NCKAP1: variants seen among roughly 807,000 people sequenced by gnomAD.
NCKAP1 encodes nck-associated protein 1.
A neutral mutation model predicts 151.2 loss-of-function variants in NCKAP1; 21 were observed. The ratio of observed to expected loss-of-function variants is 0.14; its 90% CI spans 0.10 to 0.20. NCKAP1 has a LOEUF of 0.20. NCKAP1 is among the 10% of genes least tolerant of loss of function. The pLI is 1.00. For missense variants in NCKAP1, 933 were observed against 1,352.1 expected (o/e 0.69, Z 4.86); for synonymous variants, 484 against 451.8 (o/e 1.07, Z -0.90).
At chr2:183,018,154 G>C (rs1438299729) in intron 2 of NCKAP1, among the ~76,000 whole-genome samples, 1 of 152,114 alleles carries the variant, frequency 6.6e-6, no homozygotes, top group African/African-American at 2.4e-5. Flanking sequence ...AGCTGAGGCA[G>C]GAGAATCGCT....
intron 26 of NCKAP1, among the ~76,000 whole-genome samples, chr2:182,933,732 A>T (rs1444411747): frequency 6.6e-6 from 1 of 151,990 alleles, no homozygotes; most frequent in Non-Finnish European, 1.5e-5. Flanking sequence ...CACCAATTTC[A>T]GAAGAGTCTT....
intron 15 of NCKAP1, among the ~76,000 whole-genome samples, chr2:182,975,690 G>A (rs1025488053): frequency 1.3e-5 from 2 of 152,028 alleles, no homozygotes; most frequent in East Asian, 1.9e-4. Context: ...GAAGATCACC[G>A]AGGCCAGGAG....
chr2:182,967,454 C>A, intron 15 of NCKAP1, 93 bp from the exon 16 acceptor site: 1 of 1,126,072 alleles, frequency 8.9e-7, no homozygotes, highest in South Asian at 1.4e-5. Context: ...CTGAAAGATA[C>A]TTAAACTATC....
Position 183,023,920 on chromosome 2 carries a change from TAAA to T in NCKAP1, c.109-7_109-5del. 3 of 1,576,680 alleles carry T rather than the reference TAAA, an allele frequency of 1.9e-6. No individual in the cohort carries two copies. The highest frequency in any genetic ancestry group is 2.6e-6 in the Non-Finnish European group (3 of 1,157,498). ...TTGCCTTGGGGTCTCCACATGCCTA[TAAA>T]ACAACAGTAATAAAAAAAAGTGAAA... On this transcript the variant is annotated splice_polypyrimidine_tract_variant and splice_region_variant and intron_variant, in intron 1 of 30. Coordinates refer to ENST00000361354, the MANE Select transcript of NCKAP1 (RefSeq NM_013436.5).
intron 2 of NCKAP1, among the ~76,000 whole-genome samples, chr2:183,014,205 T>C (rs898645787): frequency 9.2e-5 from 14 of 152,240 alleles, no homozygotes; most frequent in African/African-American, 3.4e-4. Flanking sequence ...AGGCGCTCAA[T>C]AAAGGATTTA....
chr2:183,019,849 C>A (rs900643987), intron 2 of NCKAP1, among the ~76,000 whole-genome samples: 1 of 152,098 alleles, frequency 6.6e-6, no homozygotes, highest in African/African-American at 2.4e-5. Context: ...TTTCCCTAAA[C>A]CCAGAATCGG....
At chr2:182,928,587 A>G (rs1157450288) in intron 28 of NCKAP1, among the ~76,000 whole-genome samples, 196 bp downstream of exon 28, 1 of 152,010 alleles carries the variant, frequency 6.6e-6, no homozygotes, top group Non-Finnish European at 1.5e-5. Flanking sequence ...TCCCTCACCG[A>G]CCTCTACACA....
intron 17 of NCKAP1, among the ~76,000 whole-genome samples, chr2:182,962,639 G>A (rs1056783484): frequency 6.6e-6 from 1 of 152,042 alleles, no homozygotes; most frequent in Non-Finnish European, 1.5e-5. Flanking sequence ...CAGATTTAGA[G>A]TACTGTTTCC....
At chr2:182,941,285 C>T (rs978889856) in intron 24 of NCKAP1, among the ~76,000 whole-genome samples, 2 of 152,068 alleles carry the variant, frequency 1.3e-5, no homozygotes, top group African/African-American at 4.8e-5. Context: ...TGCTTGAACA[C>T]ACTTTAATAC....
In NCKAP1 at chr2:182,971,415, AAG is replaced by A. The variant is rs1334824459; in HGVS notation, c.1483-4056_1483-4055del. Among the ~76,000 whole-genome samples the A allele has an allele frequency of 2.1e-4, 32 of 150,884 alleles. No individual in the cohort carries two copies. The South Asian group carries it at 6.1e-3, about 29-fold the overall frequency. ...TCTCAAAAAAAAAAAAAAAAAAAAAAAGATATCTCATGTTCATGAATTGGAAG... is the reference window on the plus strand; with the variant it reads ...TCTCAAAAAAAAAAAAAAAAAAAAAAATATCTCATGTTCATGAATTGGAAG... On this transcript the variant is annotated intron_variant, in intron 15 of 30. Coordinates refer to ENST00000361354, the MANE Select transcript of NCKAP1 (RefSeq NM_013436.5).
intron 20 of NCKAP1, among the ~76,000 whole-genome samples, chr2:182,955,829 A>T (rs533864171): frequency 1.3e-5 from 2 of 152,066 alleles, no homozygotes; most frequent in South Asian, 4.2e-4. Flanking sequence ...CTAAACTTTG[A>T]CTACAACCTA....
At position 183,038,403 on chromosome 2, in the gene NCKAP1, T is replaced by C. The variant is rs1356452084; in HGVS notation, c.-304A>G. On this transcript the variant is annotated 5_prime_UTR_variant, in exon 1 of 31. Coordinates refer to ENST00000361354, the MANE Select transcript of NCKAP1 (RefSeq NM_013436.5). ...CCCCCAACGAGCCGCCTTCCCCGGC[T>C]GCTCCACTAGGTGTGGCGGCGGCGG... The C allele has an allele frequency of 4.4e-6, 1 of 227,824 alleles. No homozygotes were observed. The highest frequency in any genetic ancestry group is 8.3e-6 in the Non-Finnish European group (1 of 121,176). The allele number at this position is 227,824 out of a possible 1,614,324, so 14.1% of individuals were successfully genotyped here. A position where few individuals can be genotyped will look rare whatever the true frequency, so the allele number is the denominator to read the frequency against.
intron 30 of NCKAP1, 43 bp downstream of exon 30, chr2:182,926,773 C>T: frequency 7.5e-7 from 1 of 1,337,142 alleles, no homozygotes; most frequent in Non-Finnish European, 1.0e-6. Flanking sequence ...TCAGGAACGA[C>T]TGGAACTTTT....
At chr2:182,983,517 T>C (rs956797904) in intron 10 of NCKAP1, 135 bp from the exon 11 acceptor site, 4 of 575,454 alleles carry the variant, frequency 7.0e-6, no homozygotes, top group Admixed American at 3.1e-5. Context: ...AATCATCTTC[T>C]ATGTGTCTAT....
chr2:183,028,345 A>G lies in NCKAP1; in HGVS notation c.109-4429T>C, dbSNP rs567640914. 2.0e-4 allele frequency among the ~76,000 whole-genome samples: 31 copies of G among 152,258 alleles called. 1 individual carries two copies. Among genetic ancestry groups the G allele is most frequent in the African/African-American group, 7.2e-4 (30 of 41,588 alleles). On this transcript the variant is annotated intron_variant, in intron 1 of 30. Transcript: ENST00000361354. ...ATATTTTCATAAAACATAAAATACT[A>G]TAATTTCAAATTTCAGAAGATCTAA...
intron 23 of NCKAP1, among the ~76,000 whole-genome samples, chr2:182,947,970 C>T (rs1369752333): frequency 6.6e-6 from 1 of 152,028 alleles, no homozygotes. Context: ...CTTAATAATA[C>T]ACAAGTAGTT....
chr2:182,956,401 T>A, intron 20 of NCKAP1, 61 bp downstream of exon 20: 8 of 1,544,900 alleles, frequency 5.2e-6, no homozygotes, highest in South Asian at 1.2e-5. Flanking sequence ...AAACACTGTA[T>A]AATTAAATAA....
At chr2:182,968,068 A>G (rs1697611529) in intron 15 of NCKAP1, among the ~76,000 whole-genome samples, 1 of 152,204 alleles carries the variant, frequency 6.6e-6, no homozygotes, top group Non-Finnish European at 1.5e-5. Context: ...AAAGAAGAGA[A>G]GGGAAATAGT....
chr2:182,927,952 G>A (rs1280924326), intron 29 of NCKAP1, among the ~76,000 whole-genome samples, 165 bp downstream of exon 29: 1 of 151,924 alleles, frequency 6.6e-6, no homozygotes, highest in Non-Finnish European at 1.5e-5. Context: ...AAAATAAAAG[G>A]AGACTGAAAT....
Sources: allele counts gnomAD v4.1 joint callset (sites outside exome capture counted in the v4.1 genomes callset), GRCh38; gene constraint gnomAD v4.1.1; transcripts MANE v1.5; gene names NCBI Gene and HGNC (gene_info 2026-07-23, HGNC 2026-07-21).